The following LDB3 variants were observed in gnomAD, a reference collection of about 807,000 sequenced individuals.
LDB3 encodes LIM domain binding 3, also known as LIM domain-binding protein 3.
LDB3 carries 49 observed loss-of-function variants against 69.0 expected under a neutral mutation model. That is an observed-to-expected ratio of 0.71 (90% CI 0.56 to 0.90). The LOEUF (loss-of-function observed/expected upper bound fraction) is 0.90. LDB3 is among the 40% of genes least tolerant of loss of function. The pLI, the probability that LDB3 is intolerant of heterozygous loss-of-function variation, is 0.00. For synonymous variants in LDB3, 387 were observed against 396.2 expected, an observed-to-expected ratio of 0.98 and a Z score of 0.28; for missense variants, 928 against 974.1, an observed-to-expected ratio of 0.95 and a Z score of 0.63.
At chr10:86,685,605 C>A (rs1220379498) in intron 5 of LDB3, 16 of 1,487,950 alleles carry the variant, frequency 1.1e-5, no homozygotes, top group Non-Finnish European at 1.5e-5. Flanking sequence ...CTGATGATGG[C>A]CCCGGCGCTC....
upstream of LDB3, chr10:86,668,412 C>A (rs1457090389): frequency 7.6e-6 from 4 of 527,894 alleles, no homozygotes; most frequent in African/African-American, 1.9e-5. Context: ...GGTGGACCGG[C>A]TGGGAGGCGG....
chr10:86,706,512 T>C lies in LDB3; in HGVS notation c.897-19T>C. 6.2e-7 allele frequency: 1 copy of C among 1,610,976 alleles called. No individual in the cohort carries two copies. The highest frequency in any genetic ancestry group is 8.5e-7 in the Non-Finnish European group (1 of 1,179,926). On this transcript the variant is annotated intron_variant, in intron 7 of 13. Transcript: ENST00000361373. ...CTAGGCTCCCTTGACCTGTTGTCTT[T>C]TTGGTCCCGCCTCATCAGCACCCCT...
Position 86,690,071 on chromosome 10 carries a change from T to C in LDB3, c.690-1825T>C, listed in dbSNP as rs189051558. On this transcript the variant is annotated intron_variant, in intron 5 of 13. Transcript: ENST00000361373. ...AAGCCAGAAATGCTTTCTTGAACCC[T>C]TGGAGCCAAGAAAGGCACAGGGGAG... Among the ~76,000 whole-genome samples the C allele has an allele frequency of 8.6e-4, 131 of 152,276 alleles. 2 individuals are homozygous for C. The East Asian group carries it at 0.018, about 21-fold the overall frequency.
intron 2 of LDB3, among the ~76,000 whole-genome samples, chr10:86,673,854 T>C (rs924209257): frequency 7.9e-5 from 12 of 151,764 alleles, no homozygotes; most frequent in African/African-American, 2.7e-4. Flanking sequence ...ACACCGGGAG[T>C]GAATGATGGC....
At chr10:86,674,796 G>A (rs1051477241) in intron 2 of LDB3, among the ~76,000 whole-genome samples, 5 of 152,178 alleles carry the variant, frequency 3.3e-5, no homozygotes, top group Admixed American at 6.5e-5. Context: ...CAAGACAGAC[G>A]TGGAAGCATC....
At chr10:86,692,344 C>T (rs1034010455) in intron 6 of LDB3, among the ~76,000 whole-genome samples, 191 bp from the exon 7 acceptor site, 2 of 152,230 alleles carry the variant, frequency 1.3e-5, no homozygotes, top group Admixed American at 1.3e-4. Context: ...GGGATGAGGC[C>T]CTCTCAGGCT....
intron 2 of LDB3, among the ~76,000 whole-genome samples, chr10:86,670,633 A>G (rs1186172723): frequency 6.6e-6 from 1 of 152,206 alleles, no homozygotes; most frequent in African/African-American, 2.4e-5. Context: ...GCCTTAAGCT[A>G]GATAGCAGGA....
At chr10:86,715,562 A>C (rs1054108836) in intron 9 of LDB3, among the ~76,000 whole-genome samples, 4 of 152,280 alleles carry the variant, frequency 2.6e-5, no homozygotes, top group South Asian at 4.1e-4. Context: ...CTGCCTGGGC[A>C]ATCTTTAGAC....
chr10:86,704,260 G>C (rs57219964), intron 7 of LDB3, among the ~76,000 whole-genome samples: 6,176 of 152,206 alleles, frequency 0.041, 442 homozygotes, highest in African/African-American at 0.14. Flanking sequence ...GTGTTATAGT[G>C]GTGAGGCCCC....
At chr10:86,697,744 G>A (rs1846075273) in intron 7 of LDB3, among the ~76,000 whole-genome samples, 1 of 151,240 alleles carries the variant, frequency 6.6e-6, no homozygotes, top group Admixed American at 6.6e-5. Context: ...AGTAGAGACG[G>A]GGTTTCACCA....
chr10:86,711,844 C>T (rs1226087635), intron 9 of LDB3, among the ~76,000 whole-genome samples: 3 of 150,108 alleles, frequency 2.0e-5, no homozygotes, highest in African/African-American at 7.3e-5. Context: ...CGGCCAGGCG[C>T]TTGCGGAGAG....
chr10:86,675,598 G>A (rs973373581), intron 2 of LDB3, among the ~76,000 whole-genome samples: 1 of 152,228 alleles, frequency 6.6e-6, no homozygotes, highest in African/African-American at 2.4e-5. Flanking sequence ...CCTGCTGTGG[G>A]GGAGCCCCAT....
intron 7 of LDB3, among the ~76,000 whole-genome samples, chr10:86,706,270 G>C (rs1172471838): frequency 1.3e-5 from 2 of 148,744 alleles, no homozygotes; most frequent in Non-Finnish European, 1.5e-5. Flanking sequence ...AGGGGTGGGG[G>C]TGGGAAATTC....
At chr10:86,716,945 A>G (rs530822091) in intron 10 of LDB3, among the ~76,000 whole-genome samples, 174 bp downstream of exon 10, 2 of 152,282 alleles carry the variant, frequency 1.3e-5, no homozygotes, top group East Asian at 3.9e-4. Flanking sequence ...CTTAGCTGCC[A>G]TACCTGTGTG....
At position 86,682,110 on chromosome 10, in the gene LDB3, T is replaced by G. The variant is rs530148583; in HGVS notation, c.689+307T>G. Among the ~76,000 whole-genome samples, 384 of 152,264 alleles carry G rather than the reference T, an allele frequency of 2.5e-3. 3 individuals carry two copies. The South Asian group carries it at 0.032, about 13-fold the overall frequency. ...CCGAGCCAGTCCTGAATTCAGGAGA[T>G]TCTGACTTCCAACACTTTTTCACTA... On this transcript the variant is annotated intron_variant, in intron 5 of 13. Coordinates refer to ENST00000361373, the MANE Select transcript of LDB3 (RefSeq NM_007078.3).
chr10:86,710,072 G>A (rs1465830481), intron 9 of LDB3, 22 bp downstream of exon 9: 2 of 1,610,806 alleles, frequency 1.2e-6, no homozygotes, highest in East Asian at 2.2e-5. Context: ...AGCAGGAGGG[G>A]AGGCTGTCGA....
In LDB3 at chr10:86,704,666, A is replaced by AC. The variant is rs1319334995; in HGVS notation, c.897-1863dup. ...GTGATCTCGGCTCACTGCAAGCTCC[A>AC]CCTCCTGGGTTCACGCCATTCTCCC... On this transcript the variant is annotated intron_variant, in intron 7 of 13. Coordinates refer to ENST00000361373, the MANE Select transcript of LDB3 (RefSeq NM_007078.3). Among the ~76,000 whole-genome samples the AC allele has an allele frequency of 8.7e-4, 122 of 140,446 alleles. 1 individual carries two copies. The highest frequency in any genetic ancestry group is 1.6e-3 in the South Asian group (7 of 4,446). The allele number at this position is 140,446 out of a possible 152,430, so 92.1% of individuals were successfully genotyped here.
rs188765848 is a variant in LDB3, at chr10:86,698,365, A to T, written c.896+5794A>T. Among the ~76,000 whole-genome samples the T allele has an allele frequency of 1.1e-4, 17 of 152,306 alleles. No homozygotes were observed. The East Asian group carries it at 2.3e-3, about 21-fold the overall frequency. On this transcript the variant is annotated intron_variant, in intron 7 of 13. Transcript: ENST00000361373. ...TGGAAGCACCGTACAGGTTAAACATACTGTGTTTGTGGCTGGATGGGGCCC... is the reference window on the plus strand; with the variant it reads ...TGGAAGCACCGTACAGGTTAAACATTCTGTGTTTGTGGCTGGATGGGGCCC...
Position 86,690,094 on chromosome 10 carries a change from G to C in LDB3, c.690-1802G>C, listed in dbSNP as rs1388356469. On this transcript the variant is annotated intron_variant, in intron 5 of 13. Transcript: ENST00000361373. ...CCTTGGAGCCAAGAAAGGCACAGGGGAGCTCCTCCTGGGCACATTCCAGGG... is the reference window on the plus strand; with the variant it reads ...CCTTGGAGCCAAGAAAGGCACAGGGCAGCTCCTCCTGGGCACATTCCAGGG... Among the ~76,000 whole-genome samples the C allele has an allele frequency of 2.6e-5, 4 of 152,148 alleles. No individual in the cohort carries two copies. The East Asian group carries it at 7.7e-4, about 29-fold the overall frequency.
Sources: allele counts gnomAD v4.1 joint callset (sites outside exome capture counted in the v4.1 genomes callset), GRCh38; gene constraint gnomAD v4.1.1; transcripts MANE v1.5; gene names NCBI Gene and HGNC (gene_info 2026-07-23, HGNC 2026-07-21).